Variants in DLGAP2 observed in about 807,000 individuals in gnomAD.
DLGAP2 encodes DLG associated protein 2, also known as disks large-associated protein 2.
A neutral mutation model predicts 100.3 loss-of-function variants in DLGAP2; 26 were observed. The observed-to-expected ratio is 0.26, with a 90% CI of 0.19 to 0.36. The LOEUF is 0.36. DLGAP2 is among the 10% of genes least tolerant of loss of function. The probability of loss-of-function intolerance (pLI) is 1.00; values close to 1 mark genes in which losing one functional copy is unlikely to be tolerated. For synonymous variants in DLGAP2, 886 were observed against 630.1 expected (o/e 1.41, Z -6.08); for missense variants, 1,858 against 1,453.2 (o/e 1.28, Z -4.53).
At chr8:1,064,178 T>G (rs1486756607) in intron 2 of DLGAP2, among the ~76,000 whole-genome samples, 1 of 152,178 alleles carries the variant, frequency 6.6e-6, no homozygotes, top group South Asian at 2.1e-4. Flanking sequence ...TAATTCTTGC[T>G]CCCAATTTGC....
chr8:1,446,720 A>G (rs1399922906), intron 3 of DLGAP2, among the ~76,000 whole-genome samples: 1 of 152,318 alleles, frequency 6.6e-6, no homozygotes, highest in South Asian at 2.1e-4. Flanking sequence ...CTTCCTACCA[A>G]TGATCATGGA....
At chr8:815,965 C>A (rs10105542) in intron 1 of DLGAP2, among the ~76,000 whole-genome samples, 28,486 of 152,010 alleles carry the variant, frequency 0.19, 2,902 homozygotes, top group Middle Eastern at 0.33. Flanking sequence ...GTATAATGCC[C>A]ATCTTTGTCT....
At chr8:1,093,458 C>T (rs925094455) in intron 2 of DLGAP2, among the ~76,000 whole-genome samples, 2 of 152,006 alleles carry the variant, frequency 1.3e-5, no homozygotes, top group African/African-American at 4.8e-5. Flanking sequence ...CACTTTCACA[C>T]CAACAGCCAG....
At chr8:1,205,940 C>T (rs908401516) in intron 2 of DLGAP2, among the ~76,000 whole-genome samples, 9 of 152,106 alleles carry the variant, frequency 5.9e-5, no homozygotes, top group African/African-American at 2.2e-4. Flanking sequence ...ATCACTTGAG[C>T]CCAGGAGAGT....
At chr8:1,696,007 G>C (rs931553760) in intron 13 of DLGAP2, among the ~76,000 whole-genome samples, 1 of 152,246 alleles carries the variant, frequency 6.6e-6, no homozygotes, top group Admixed American at 6.5e-5. Context: ...GCGGAGGGCA[G>C]CTGGGGGCCC....
At chr8:1,018,365 T>C (rs1801532742) in intron 2 of DLGAP2, among the ~76,000 whole-genome samples, 1 of 152,230 alleles carries the variant, frequency 6.6e-6, no homozygotes, top group Non-Finnish European at 1.5e-5. Flanking sequence ...TTTACTGGGA[T>C]TCTATTTCGC....
intron 3 of DLGAP2, among the ~76,000 whole-genome samples, chr8:1,417,828 A>G (rs959881141): frequency 6.6e-6 from 1 of 152,156 alleles, no homozygotes; most frequent in African/African-American, 2.4e-5. Flanking sequence ...GCATTTGAAG[A>G]ATTCGATTAT....
At chr8:747,155 G>A (rs1355881779) in intron 1 of DLGAP2, among the ~76,000 whole-genome samples, 2 of 152,046 alleles carry the variant, frequency 1.3e-5, no homozygotes, top group African/African-American at 2.4e-5. Context: ...AGGCTCTAGA[G>A]TGTGAGGGGC....
chr8:1,697,163 C>T lies in DLGAP2; in HGVS notation c.2813C>T (p.Pro938Leu), dbSNP rs754705687. The T allele has an allele frequency of 2.5e-6, 4 of 1,594,890 alleles. No individual in the cohort carries two copies. Among genetic ancestry groups the T allele is most frequent in the African/African-American group, 2.7e-5 (2 of 74,642 alleles). The change falls in exon 14 of 15, where the codon CCG (proline) becomes CTG (leucine). Residue 938 changes from proline (P) to leucine (L), a missense_variant. Physicochemically the swap from Pro to Leu is moderately conservative, Grantham distance 98. Coordinates refer to ENST00000637795, the MANE Select transcript of DLGAP2 (RefSeq NM_001346810.2). Reference sequence around the variant, plus strand: ...TGTCCCCAGGACCCCAGCGCCATGCCGAGGCCGACGTCGCAGGACCTGGCC... The same window carrying T: ...TGTCCCCAGGACCCCAGCGCCATGCTGAGGCCGACGTCGCAGGACCTGGCC... ...CQQNMDPSAMPRPTSQDLAGY... is the reference protein window; with the variant it reads ...CQQNMDPSAMLRPTSQDLAGY...
intron 3 of DLGAP2, among the ~76,000 whole-genome samples, chr8:1,339,905 A>C (rs1047633454): frequency 1.3e-5 from 2 of 152,236 alleles, no homozygotes; most frequent in Non-Finnish European, 1.5e-5. Flanking sequence ...AAGACAAAAT[A>C]TGTGTATATT....
intron 2 of DLGAP2, among the ~76,000 whole-genome samples, chr8:1,171,980 G>A (rs1337681207): frequency 2.0e-5 from 3 of 152,094 alleles, no homozygotes; most frequent in Non-Finnish European, 4.4e-5. Context: ...TCCTAGTCTG[G>A]ATGGTCTTTA....
chr8:1,350,008 T>C (rs1421158597), intron 3 of DLGAP2, among the ~76,000 whole-genome samples: 1 of 152,206 alleles, frequency 6.6e-6, no homozygotes, highest in Non-Finnish European at 1.5e-5. Context: ...CATATAACCT[T>C]ACAACTAATA....
chr8:904,474 C>T (rs939377775), intron 1 of DLGAP2, among the ~76,000 whole-genome samples: 5 of 152,270 alleles, frequency 3.3e-5, no homozygotes, highest in Non-Finnish European at 4.4e-5. Flanking sequence ...GAGCTGGGAT[C>T]GCACCACTGC....
chr8:771,710 T>G (rs1385665334), intron 1 of DLGAP2, among the ~76,000 whole-genome samples: 3 of 152,214 alleles, frequency 2.0e-5, no homozygotes, highest in African/African-American at 7.2e-5. Flanking sequence ...CACTGTTAGG[T>G]GAAAATATTT....
intron 1 of DLGAP2, among the ~76,000 whole-genome samples, chr8:814,135 G>A (rs1192435060): frequency 2.6e-5 from 4 of 152,142 alleles, no homozygotes; most frequent in African/African-American, 9.7e-5. Context: ...CCATAAAAAA[G>A]GAAGAATTTT....
intron 1 of DLGAP2, among the ~76,000 whole-genome samples, chr8:803,676 T>C (rs1160690730): frequency 6.6e-6 from 1 of 152,236 alleles, no homozygotes; most frequent in Non-Finnish European, 1.5e-5. Context: ...GCTGCCTCAA[T>C]CCACTGGCCT....
chr8:994,088 G>C (rs982271022), intron 2 of DLGAP2, among the ~76,000 whole-genome samples: 1 of 152,152 alleles, frequency 6.6e-6, no homozygotes, highest in Non-Finnish European at 1.5e-5. Context: ...GATGAGACTG[G>C]TGTTTTCGTA....
At chr8:1,548,604 T>G (rs766897617) in intron 4 of DLGAP2, 22 bp from the exon 5 acceptor site, 2 of 1,470,938 alleles carry the variant, frequency 1.4e-6, no homozygotes, top group Non-Finnish European at 1.8e-6. Context: ...GGGTGTTCAA[T>G]GCCGTTTCTG....
At chr8:1,138,112 CATGAAT>C (rs1337020490) in intron 2 of DLGAP2, among the ~76,000 whole-genome samples, 18 of 152,248 alleles carry the variant, frequency 1.2e-4, no homozygotes, top group Non-Finnish European at 2.2e-4. Context: ...CCCTTGATGC[CATGAAT>C]CCAGCAGAGC....
Sources: allele counts gnomAD v4.1 joint callset (sites outside exome capture counted in the v4.1 genomes callset), GRCh38; gene constraint gnomAD v4.1.1; transcripts MANE v1.5; gene names NCBI Gene and HGNC (gene_info 2026-07-23, HGNC 2026-07-21).